ENTREP2: variants seen among roughly 807,000 people sequenced by gnomAD.
The protein encoded by ENTREP2 is endosomal transmembrane epsin interactor 2.
the ENTREP2 span, among the ~76,000 whole-genome samples, chr15:29,225,421 TG>T: frequency 2.0e-5 from 3 of 152,238 alleles, no homozygotes; most frequent in East Asian, 5.8e-4. Flanking sequence ...TCCATATAGC[TG>T]TGACAGATGA....
chr15:29,538,152 G>T, the ENTREP2 span, among the ~76,000 whole-genome samples: 2 of 152,170 alleles, frequency 1.3e-5, no homozygotes, highest in African/African-American at 4.8e-5. Flanking sequence ...CAGTGTCTGG[G>T]ATAGGGTCTG....
At chr15:29,566,846 T>TAC in the ENTREP2 span, among the ~76,000 whole-genome samples, 58,447 of 146,008 alleles carry the variant, frequency 0.4, 11,379 homozygotes, top group South Asian at 0.47. Flanking sequence ...AAAGGAAAAA[T>TAC]ACACACACAC....
the ENTREP2 span, among the ~76,000 whole-genome samples, chr15:29,200,307 T>C: frequency 1.3e-5 from 2 of 151,992 alleles, no homozygotes; most frequent in South Asian, 2.1e-4. Context: ...TCCCAGATAG[T>C]TGGAATTACA....
At chr15:29,649,727 C>CAAAAAAAAAAAAA in the ENTREP2 span, among the ~76,000 whole-genome samples, 13 of 66,800 alleles carry the variant, frequency 1.9e-4, no homozygotes, top group African/African-American at 3.0e-4. Context: ...TCAACAACAA[C>CAAAAAAAAAAAAA]AAAAAAAAAA....
At chr15:29,412,982 T>C in the ENTREP2 span, among the ~76,000 whole-genome samples, 4 of 152,234 alleles carry the variant, frequency 2.6e-5, no homozygotes, top group African/African-American at 9.6e-5. Flanking sequence ...TCAATCTTTC[T>C]AGGTACCTAA....
the ENTREP2 span, among the ~76,000 whole-genome samples, chr15:29,668,459 A>C: frequency 6.6e-6 from 1 of 152,312 alleles, no homozygotes; most frequent in South Asian, 2.1e-4. Flanking sequence ...CTTGTACATC[A>C]ATGTTCCTAG....
At chr15:29,351,095 T>C in the ENTREP2 span, among the ~76,000 whole-genome samples, 5 of 152,224 alleles carry the variant, frequency 3.3e-5, no homozygotes, top group Admixed American at 2.6e-4. Flanking sequence ...TTCATCATTG[T>C]GCAAACCTCA....
At chr15:29,216,691 G>A in the ENTREP2 span, among the ~76,000 whole-genome samples, 1 of 152,128 alleles carries the variant, frequency 6.6e-6, no homozygotes, top group Non-Finnish European at 1.5e-5. Context: ...TAAACATTCT[G>A]TAGCTTTCTT....
At chr15:29,193,223 GGT>G in the ENTREP2 span, among the ~76,000 whole-genome samples, 1 of 152,254 alleles carries the variant, frequency 6.6e-6, no homozygotes, top group South Asian at 2.1e-4. Context: ...ATTGTTTCTG[GGT>G]GTGTCTGTGA....
At chr15:29,629,081 C>T in the ENTREP2 span, among the ~76,000 whole-genome samples, 1 of 151,986 alleles carries the variant, frequency 6.6e-6, no homozygotes, top group Non-Finnish European at 1.5e-5. Context: ...ATGTAATGTC[C>T]CTGGTAATTT....
chr15:29,483,597 T>C, the ENTREP2 span, among the ~76,000 whole-genome samples: 1 of 152,204 alleles, frequency 6.6e-6, no homozygotes, highest in Non-Finnish European at 1.5e-5. Context: ...TTGTTCCATG[T>C]TTCAGATATT....
the ENTREP2 span, chr15:29,252,321 A>G: frequency 6.4e-6 from 8 of 1,246,166 alleles, no homozygotes; most frequent in African/African-American, 1.2e-4. Flanking sequence ...CTTGTACAAA[A>G]TCAAATCCTA....
At chr15:29,390,223 T>C in the ENTREP2 span, among the ~76,000 whole-genome samples, 5 of 152,276 alleles carry the variant, frequency 3.3e-5, no homozygotes, top group East Asian at 3.9e-4. Flanking sequence ...CATTCTGACA[T>C]GTCAGTAATC....
At chr15:29,168,435 G>GT in the ENTREP2 span, among the ~76,000 whole-genome samples, 2 of 152,166 alleles carry the variant, frequency 1.3e-5, no homozygotes, top group Non-Finnish European at 2.9e-5. Flanking sequence ...CACAATCAGC[G>GT]TGTGTGTGTA....
At chr15:29,492,833 G>A in the ENTREP2 span, among the ~76,000 whole-genome samples, 4 of 151,752 alleles carry the variant, frequency 2.6e-5, no homozygotes, top group Admixed American at 6.6e-5. Context: ...GTGAAACCCC[G>A]TCTCTACTAA....
At chr15:29,394,882 CTTTT>C in the ENTREP2 span, among the ~76,000 whole-genome samples, 561 of 95,812 alleles carry the variant, frequency 5.9e-3, 3 homozygotes, top group Non-Finnish European at 7.9e-3. Flanking sequence ...GTCAGAATCT[CTTTT>C]TTTTTTTTTT....
the ENTREP2 span, among the ~76,000 whole-genome samples, chr15:29,149,554 G>A: frequency 2.0e-4 from 31 of 152,276 alleles, no homozygotes; most frequent in Non-Finnish European, 4.3e-4. Flanking sequence ...TGGCCACCAC[G>A]TTCCTTCAAA....
chr15:29,607,136 A>C, the ENTREP2 span, among the ~76,000 whole-genome samples: 1 of 152,200 alleles, frequency 6.6e-6, no homozygotes, highest in South Asian at 2.1e-4. Context: ...TTCACATTTC[A>C]ATATACATTA....
At chr15:29,457,911 C>T in the ENTREP2 span, among the ~76,000 whole-genome samples, 1 of 152,180 alleles carries the variant, frequency 6.6e-6, no homozygotes, top group Non-Finnish European at 1.5e-5. Flanking sequence ...GGCTTCCTCA[C>T]ACCCGAACCA....
Sources: allele counts gnomAD v4.1 joint callset (sites outside exome capture counted in the v4.1 genomes callset), GRCh38; gene constraint gnomAD v4.1.1; transcripts MANE v1.5; gene names NCBI Gene and HGNC (gene_info 2026-07-23, HGNC 2026-07-21).